ADGRB3: variants seen among roughly 807,000 people sequenced by gnomAD.
ADGRB3 encodes adhesion G protein-coupled receptor B3.
In ADGRB3, 37 loss-of-function variants were observed where a neutral mutation model predicts 193.4. That is an observed-to-expected ratio of 0.19 (90% CI 0.15 to 0.25). The LOEUF is 0.25. Ranked by LOEUF, ADGRB3 falls within the 10% of genes least tolerant of loss-of-function variation. ADGRB3 has a pLI of 1.00. For synonymous variants in ADGRB3, 690 were observed against 644.2 expected (o/e 1.07, Z -1.08); for missense variants, 1,637 against 1,852.9 (o/e 0.88, Z 2.14).
intron 17 of ADGRB3, among the ~76,000 whole-genome samples, chr6:69,207,033 G>A (rs4295443): frequency 0.064 from 9,791 of 152,190 alleles, 836 homozygotes; most frequent in African/African-American, 0.19. Context: ...CTGTGGAGTA[G>A]TAGACTGATT....
chr6:69,359,495 GACAATAAT>G (rs1194627726), intron 28 of ADGRB3, among the ~76,000 whole-genome samples: 1 of 149,994 alleles, frequency 6.7e-6, no homozygotes, highest in Non-Finnish European at 1.5e-5. Flanking sequence ...AAGATAAAGA[GACAATAAT>G]ACAATAACTA....
At chr6:69,221,477 TGGGTGATACA>T (rs1199492393) in intron 17 of ADGRB3, among the ~76,000 whole-genome samples, 1 of 152,076 alleles carries the variant, frequency 6.6e-6, no homozygotes, top group Non-Finnish European at 1.5e-5. Context: ...GCTGGCCAGG[TGGGTGATACA>T]GGGTGTTCTG....
chr6:68,940,550 T>TTTTTTTG (rs1767610897), intron 5 of ADGRB3, among the ~76,000 whole-genome samples: 2 of 1,810 alleles, frequency 1.1e-3, no homozygotes, highest in Non-Finnish European at 6.0e-3. Context: ...TTTTGAACTT[T>TTTTTTTG]TTTTTTTTTT....
At chr6:69,210,854 G>A (rs1849305) in intron 17 of ADGRB3, among the ~76,000 whole-genome samples, 21,414 of 151,892 alleles carry the variant, frequency 0.14, 1,567 homozygotes, top group Middle Eastern at 0.16. Context: ...GGTGGCTCAC[G>A]CCTGTAATCC....
chr6:69,327,285 G>A (rs1228602879), intron 21 of ADGRB3, among the ~76,000 whole-genome samples: 1 of 152,184 alleles, frequency 6.6e-6, no homozygotes, highest in Non-Finnish European at 1.5e-5. Flanking sequence ...GAGCAGGTAT[G>A]TAGGTAATTG....
chr6:68,764,574 C>G (rs1224955773), intron 3 of ADGRB3, among the ~76,000 whole-genome samples: 1 of 152,148 alleles, frequency 6.6e-6, no homozygotes, highest in African/African-American at 2.4e-5. Context: ...ACCACAAAAG[C>G]AGCACCAGTA....
At chr6:68,991,678 G>A (rs181835445) in intron 10 of ADGRB3, among the ~76,000 whole-genome samples, 7 of 152,172 alleles carry the variant, frequency 4.6e-5, no homozygotes, top group African/African-American at 9.6e-5. Context: ...GGCGGGGAAC[G>A]GGGAAGAACT....
At chr6:69,003,473 A>T (rs1172111520) in intron 11 of ADGRB3, among the ~76,000 whole-genome samples, 2 of 152,202 alleles carry the variant, frequency 1.3e-5, no homozygotes, top group Non-Finnish European at 2.9e-5. Context: ...AGGGGATAAG[A>T]AAAATTGCTT....
intron 3 of ADGRB3, among the ~76,000 whole-genome samples, chr6:68,696,811 C>G (rs1194544790): frequency 6.6e-6 from 1 of 151,930 alleles, no homozygotes; most frequent in African/African-American, 2.4e-5. Context: ...CAAATTTAGA[C>G]AAATTGTAGT....
At chr6:68,665,036 C>T (rs940513251) in intron 3 of ADGRB3, among the ~76,000 whole-genome samples, 11 of 151,896 alleles carry the variant, frequency 7.2e-5, no homozygotes, top group East Asian at 1.9e-4. Flanking sequence ...GATCTCTCCC[C>T]TCCCACCTTC....
At chr6:68,751,092 T>C (rs925263127) in intron 3 of ADGRB3, among the ~76,000 whole-genome samples, 1 of 152,214 alleles carries the variant, frequency 6.6e-6, no homozygotes, top group Admixed American at 6.5e-5. Context: ...GCAGGTTACC[T>C]GGTATCTCTC....
intron 26 of ADGRB3, 29 bp from the exon 27 acceptor site, chr6:69,354,204 G>T: frequency 6.5e-7 from 1 of 1,540,584 alleles, no homozygotes; most frequent in Non-Finnish European, 9.0e-7. Flanking sequence ...TAAGAGAGAA[G>T]AAAATTAATG....
chr6:69,027,361 C>A (rs192606670), intron 13 of ADGRB3, among the ~76,000 whole-genome samples: 1 of 152,228 alleles, frequency 6.6e-6, no homozygotes, highest in East Asian at 1.9e-4. Flanking sequence ...ATGCATGGAG[C>A]TGGCATCTCC....
intron 3 of ADGRB3, among the ~76,000 whole-genome samples, chr6:68,743,670 A>AT (rs1766025460): frequency 1.3e-5 from 2 of 152,124 alleles, no homozygotes; most frequent in African/African-American, 4.8e-5. Context: ...TGAGAAATAA[A>AT]ACTGACACTC....
At chr6:68,911,752 G>T (rs948066808) in intron 3 of ADGRB3, among the ~76,000 whole-genome samples, 1 of 150,422 alleles carries the variant, frequency 6.6e-6, no homozygotes, top group Non-Finnish European at 1.5e-5. Flanking sequence ...AGCTCATGAT[G>T]TCTTTTCATT....
chr6:68,683,698 C>T (rs1040200521), intron 3 of ADGRB3, among the ~76,000 whole-genome samples: 5 of 152,084 alleles, frequency 3.3e-5, no homozygotes, highest in African/African-American at 1.2e-4. Flanking sequence ...TCCATTTTTC[C>T]TGAGATGTAG....
At chr6:69,156,279 A>G (rs1774837094) in intron 17 of ADGRB3, among the ~76,000 whole-genome samples, 1 of 152,218 alleles carries the variant, frequency 6.6e-6, no homozygotes, top group Non-Finnish European at 1.5e-5. Flanking sequence ...AGTATGATAA[A>G]GAATGACTGT....
intron 8 of ADGRB3, among the ~76,000 whole-genome samples, chr6:68,969,558 G>T (rs1477451772): frequency 2.0e-5 from 3 of 152,080 alleles, no homozygotes; most frequent in Non-Finnish European, 2.9e-5. Flanking sequence ...AGAAAATTGT[G>T]GGATTAAACT....
rs539437088 is a variant in ADGRB3 at position 68,695,937 on chromosome 6, C to T, written c.757+56505C>T. Among the ~76,000 whole-genome samples the T allele has an allele frequency of 5.9e-5, 9 of 152,088 alleles. No individual in the cohort carries two copies. The South Asian group carries it at 1.7e-3, about 28-fold the overall frequency. On this transcript the variant is annotated intron_variant, in intron 3 of 31. Coordinates refer to ENST00000370598, the MANE Select transcript of ADGRB3 (RefSeq NM_001704.3). ...GATTCTCAGATGTTCTTGGCTTCCC[C>T]CATTTGCATATCTAGGATTTTTGTT... is the stretch of plus-strand genomic sequence containing the variant.
Sources: gnomAD v4.1 joint callset for allele counts (sites outside exome capture counted in the v4.1 genomes callset) on GRCh38, gnomAD v4.1.1 for gene constraint, MANE v1.5 for transcripts, NCBI Gene and HGNC (gene_info 2026-07-23, HGNC 2026-07-21) for gene names.